Variants in PTK2 observed in about 807,000 individuals in gnomAD.
The protein encoded by PTK2 is protein tyrosine kinase 2.
PTK2 carries 45 observed loss-of-function variants against 150.1 expected under a neutral mutation model. The observed-to-expected ratio is 0.30, with a 90% CI of 0.24 to 0.38. The LOEUF (loss-of-function observed/expected upper bound fraction) is 0.38. PTK2 is among the 10% of genes least tolerant of loss of function. PTK2 has a pLI of 1.00. For missense variants in PTK2, 919 were observed against 1,307.3 expected (o/e 0.70, Z 4.58); for synonymous variants, 432 against 449.2 (o/e 0.96, Z 0.48).
chr8:140,927,870 G>A (rs1459865182), intron 1 of PTK2, among the ~76,000 whole-genome samples: 3 of 142,734 alleles, frequency 2.1e-5, no homozygotes, highest in Non-Finnish European at 4.5e-5. Flanking sequence ...CAGGAGAATC[G>A]CTTGAACCTG....
At chr8:140,693,911 T>C (rs971596973) in intron 26 of PTK2, among the ~76,000 whole-genome samples, 1 of 152,116 alleles carries the variant, frequency 6.6e-6, no homozygotes, top group African/African-American at 2.4e-5. Flanking sequence ...ACAGAACTTA[T>C]CTAATAGGGT....
chr8:140,818,885 G>A (rs2100106380), exon 9 of PTK2: 1 of 1,613,066 alleles, frequency 6.2e-7, no homozygotes, highest in East Asian at 2.2e-5. Context: ...CTTACACCAA[G>A]AGCACACTTG....
At chr8:140,904,648 G>A (rs1241847092) in intron 2 of PTK2, among the ~76,000 whole-genome samples, 1 of 152,070 alleles carries the variant, frequency 6.6e-6, no homozygotes, top group African/African-American at 2.4e-5. Context: ...TTGGTTGGTA[G>A]GCTATTAATT....
At chr8:140,963,620 C>T (rs2100184179) in intron 1 of PTK2, among the ~76,000 whole-genome samples, 1 of 152,234 alleles carries the variant, frequency 6.6e-6, no homozygotes, top group Admixed American at 6.5e-5. Context: ...CCTGAGTGAC[C>T]TTTCCTAAAA....
intron 25 of PTK2, among the ~76,000 whole-genome samples, chr8:140,702,149 A>AAAAAG (rs2100030909): frequency 6.7e-6 from 1 of 149,960 alleles, no homozygotes; most frequent in Non-Finnish European, 1.5e-5. Context: ...AAAAAAAAAA[A>AAAAAG]AAAAGTCATT....
At chr8:140,992,480 C>G (rs1569546833) in intron 1 of PTK2, among the ~76,000 whole-genome samples, 1 of 151,952 alleles carries the variant, frequency 6.6e-6, no homozygotes, top group Non-Finnish European at 1.5e-5. Flanking sequence ...AAAAACAAAA[C>G]AAAATAAAAA....
intron 1 of PTK2, among the ~76,000 whole-genome samples, chr8:140,956,827 G>C (rs1221507444): frequency 6.6e-6 from 1 of 152,212 alleles, no homozygotes; most frequent in Non-Finnish European, 1.5e-5. Context: ...CACTTTGGGA[G>C]GCTGTGGGTG....
chr8:140,666,771 C>CA (rs2092221356), intron 30 of PTK2, among the ~76,000 whole-genome samples: 1 of 152,164 alleles, frequency 6.6e-6, no homozygotes, highest in Admixed American at 6.5e-5. Context: ...TCTGAGTATA[C>CA]ACTCAAAAGA....
At chr8:140,832,313 C>T (rs1022613385) in intron 7 of PTK2, among the ~76,000 whole-genome samples, 4 of 152,282 alleles carry the variant, frequency 2.6e-5, no homozygotes, top group South Asian at 2.1e-4. Context: ...CTTCAGCCTC[C>T]CAAAGCGCTG....
chr8:140,746,826 C>T (rs774961254), exon 18 of PTK2: 3 of 1,612,708 alleles, frequency 1.9e-6, no homozygotes, highest in Admixed American at 3.3e-5. Context: ...CAATCAGCTT[C>T]ACAATATGAG....
chr8:140,862,930 G>A (rs939634603), intron 5 of PTK2, among the ~76,000 whole-genome samples: 1 of 152,134 alleles, frequency 6.6e-6, no homozygotes, highest in African/African-American at 2.4e-5. Flanking sequence ...TAAAGCAGCA[G>A]GCCCCAACCT....
intron 3 of PTK2, among the ~76,000 whole-genome samples, chr8:140,889,063 A>C (rs2100153331): frequency 6.6e-6 from 1 of 152,218 alleles, no homozygotes; most frequent in South Asian, 2.1e-4. Context: ...AGTAGAAAAA[A>C]AACAGAAAAC....
intron 8 of PTK2, among the ~76,000 whole-genome samples, chr8:140,828,313 C>T (rs7826800): frequency 0.59 from 88,927 of 151,930 alleles, 27,799 homozygotes; most frequent in African/African-American, 0.81. Context: ...TCAGAAGGAC[C>T]AGTCATGGAG....
chr8:140,724,622 C>G lies in PTK2; in HGVS notation c.2031-6913G>C, dbSNP rs369759406. On this transcript the variant is annotated intron_variant, in intron 22 of 31. Transcript: ENST00000522684. Reference sequence around the variant, plus strand: ...CAGTTATTTAAGTTAATCTAGAAAACACCCAGAGAGAGAACAGCAATAAAT... The same window carrying G: ...CAGTTATTTAAGTTAATCTAGAAAAGACCCAGAGAGAGAACAGCAATAAAT... Among the ~76,000 whole-genome samples the G allele has an allele frequency of 1.5e-3, 222 of 152,194 alleles. 7 individuals are homozygous for G. The South Asian group carries it at 0.044, about 30-fold the overall frequency.
intron 26 of PTK2, among the ~76,000 whole-genome samples, chr8:140,687,613 G>A (rs1564385341): frequency 6.6e-6 from 1 of 152,212 alleles, no homozygotes; most frequent in East Asian, 1.9e-4. Context: ...CTTGTTGGGT[G>A]GGGGATGGAG....
chr8:140,678,818 G>A (rs1275824223), intron 27 of PTK2, among the ~76,000 whole-genome samples: 2 of 152,046 alleles, frequency 1.3e-5, no homozygotes, highest in Non-Finnish European at 2.9e-5. Context: ...ATAGAGAGGC[G>A]TGAGGGCAGG....
intron 2 of PTK2, among the ~76,000 whole-genome samples, chr8:140,913,947 A>G (rs2100164191): frequency 1.3e-5 from 2 of 152,220 alleles, no homozygotes; most frequent in African/African-American, 4.8e-5. Flanking sequence ...AATCAACCAA[A>G]GGTATCACCA....
At chr8:140,669,300 G>GGTAT (rs1554641495) in intron 29 of PTK2, 5 of 39,944 alleles carry the variant, frequency 1.3e-4, no homozygotes, top group African/African-American at 8.4e-4. Context: ...AGCATAAAAT[G>GGTAT]GTATATATAT....
chr8:140,743,391 A>G lies in PTK2; in HGVS notation c.1635-61T>C, dbSNP rs2154457927. The G allele has an allele frequency of 7.3e-6, 10 of 1,361,428 alleles. No homozygotes were observed. In the South Asian group the frequency reaches 1.1e-4, roughly 15 times the overall value. 84.3% of individuals were successfully genotyped at this position (1,361,428 alleles called of 1,614,324 possible). A position where few individuals can be genotyped will look rare whatever the true frequency, so the allele number is the denominator to read the frequency against. On this transcript the variant is annotated intron_variant, in intron 19 of 31. Transcript: ENST00000522684. The stretch of plus-strand genomic sequence containing the variant: ...ATAAGAAAAACAAACATACAAGCTC[A>G]TATATAAAGACATACCAATAGGCAC...
Sources: gnomAD v4.1 joint callset for allele counts (sites outside exome capture counted in the v4.1 genomes callset) on GRCh38, gnomAD v4.1.1 for gene constraint, MANE v1.5 for transcripts, NCBI Gene and HGNC (gene_info 2026-07-23, HGNC 2026-07-21) for gene names.